The following IGBP1C variants were observed in gnomAD, a reference collection of about 807,000 sequenced individuals.
IGBP1C encodes immunoglobulin-binding protein 1 family member C.
the IGBP1C span, among the ~76,000 whole-genome samples, chr17:58,680,887 C>G: frequency 6.6e-6 from 1 of 152,316 alleles, no homozygotes; most frequent in Admixed American, 6.5e-5. Flanking sequence ...ATCTTCTCTT[C>G]TGCCAAAATA....
chr17:58,674,515 C>T, the IGBP1C span, among the ~76,000 whole-genome samples: 4 of 151,428 alleles, frequency 2.6e-5, no homozygotes, highest in African/African-American at 9.7e-5. Context: ...ACTAAAAATA[C>T]AAAAATTAGC....
the IGBP1C span, chr17:58,675,202 T>C: frequency 6.6e-6 from 1 of 151,994 alleles, no homozygotes; most frequent in Non-Finnish European, 1.5e-5. Context: ...TCAATATTCT[T>C]AGCCATCAGG....
chr17:58,683,941 T>C, the IGBP1C span, among the ~76,000 whole-genome samples: 6 of 140,442 alleles, frequency 4.3e-5, no homozygotes, highest in East Asian at 4.4e-4. Context: ...GGTGCATCCC[T>C]GTCATCCCAG....
the IGBP1C span, among the ~76,000 whole-genome samples, chr17:58,688,746 A>G: frequency 6.6e-6 from 1 of 152,118 alleles, no homozygotes; most frequent in African/African-American, 2.4e-5. Context: ...GCCCATAGCA[A>G]TGTCTCTCAA....
At chr17:58,680,220 T>C in the IGBP1C span, among the ~76,000 whole-genome samples, 1 of 152,120 alleles carries the variant, frequency 6.6e-6, no homozygotes, top group Admixed American at 6.6e-5. Flanking sequence ...ACGGCTTTCT[T>C]GCGCAGTTAA....
chr17:58,665,090 G>A, the IGBP1C span, among the ~76,000 whole-genome samples: 1 of 152,156 alleles, frequency 6.6e-6, no homozygotes, highest in Admixed American at 6.5e-5. Context: ...TGCTTGTCCA[G>A]TGGAATATGA....
chr17:58,681,196 C>T, the IGBP1C span, among the ~76,000 whole-genome samples: 2 of 152,204 alleles, frequency 1.3e-5, no homozygotes, highest in African/African-American at 4.8e-5. Flanking sequence ...TGAACCCAGG[C>T]TGCAGTGAGC....
At chr17:58,679,405 G>C in the IGBP1C span, 1 of 151,294 alleles carries the variant, frequency 6.6e-6, no homozygotes, top group East Asian at 1.9e-4. Flanking sequence ...CGTGTGTGGA[G>C]AAAAAAATGA....
the IGBP1C span, among the ~76,000 whole-genome samples, chr17:58,689,466 G>A: frequency 2.0e-5 from 3 of 151,698 alleles, no homozygotes; most frequent in Middle Eastern, 3.4e-3. Context: ...TGATCCACCC[G>A]CCTTGGCCTC....
chr17:58,666,003 T>C, the IGBP1C span, among the ~76,000 whole-genome samples: 1 of 150,444 alleles, frequency 6.6e-6, no homozygotes, highest in African/African-American at 2.5e-5. Context: ...GAGCCGAGAT[T>C]GTGCCACTCA....
At chr17:58,674,281 A>C in the IGBP1C span, among the ~76,000 whole-genome samples, 1 of 151,460 alleles carries the variant, frequency 6.6e-6, no homozygotes, top group Non-Finnish European at 1.5e-5. Context: ...GTCTCAAAAA[A>C]AAAAAAGGAA....
At chr17:58,664,785 A>G in the IGBP1C span, among the ~76,000 whole-genome samples, 1 of 152,238 alleles carries the variant, frequency 6.6e-6, no homozygotes, top group African/African-American at 2.4e-5. Flanking sequence ...TGAATATATT[A>G]TTATATATGA....
chr17:58,682,178 G>A, the IGBP1C span, among the ~76,000 whole-genome samples: 4 of 152,004 alleles, frequency 2.6e-5, no homozygotes, highest in South Asian at 2.1e-4. Context: ...CAAACTCCTG[G>A]GCTCAAGCAA....
the IGBP1C span, chr17:58,661,390 CA>C: frequency 1.1e-6 from 1 of 893,322 alleles, no homozygotes; most frequent in Non-Finnish European, 1.9e-6. Context: ...TAATCTCCTC[CA>C]AATCTTCATT....
At chr17:58,684,941 G>C in the IGBP1C span, among the ~76,000 whole-genome samples, 2 of 152,070 alleles carry the variant, frequency 1.3e-5, no homozygotes, top group African/African-American at 2.4e-5. Flanking sequence ...ATGCCTAGGT[G>C]ACAGAGCAAA....
the IGBP1C span, among the ~76,000 whole-genome samples, chr17:58,681,684 T>C: frequency 1.2e-4 from 18 of 152,010 alleles, no homozygotes; most frequent in Non-Finnish European, 2.5e-4. Context: ...ACCTTGTCTC[T>C]ACTAAAAATA....
chr17:58,663,589 C>T, the IGBP1C span, among the ~76,000 whole-genome samples: 1 of 151,890 alleles, frequency 6.6e-6, no homozygotes, highest in Non-Finnish European at 1.5e-5. Flanking sequence ...GCCTCAGCTT[C>T]CTGAGTAACT....
At chr17:58,668,306 C>T in the IGBP1C span, among the ~76,000 whole-genome samples, 3 of 152,198 alleles carry the variant, frequency 2.0e-5, no homozygotes, top group Admixed American at 6.6e-5. Flanking sequence ...GTCTCTATAC[C>T]TATCCTGATG....
chr17:58,662,626 C>T, the IGBP1C span, among the ~76,000 whole-genome samples: 1 of 152,166 alleles, frequency 6.6e-6, no homozygotes, highest in Non-Finnish European at 1.5e-5. Context: ...TTCCTGCCAA[C>T]TCAGGTGTGC....
Sources: allele counts gnomAD v4.1 joint callset (sites outside exome capture counted in the v4.1 genomes callset), GRCh38; gene constraint gnomAD v4.1.1; transcripts MANE v1.5; gene names NCBI Gene and HGNC (gene_info 2026-07-23, HGNC 2026-07-21).